The following IGFL4 variants were observed in gnomAD, a reference collection of about 807,000 sequenced individuals.
The protein encoded by IGFL4 is IGF like family member 4, also known as insulin growth factor-like family member 4.
In IGFL4, 12 loss-of-function variants were observed where a neutral mutation model predicts 15.4. The observed-to-expected ratio is 0.78, with a 90% confidence interval of 0.50 to 1.26. The LOEUF (loss-of-function observed/expected upper bound fraction) is 1.26. IGFL4 is among the 50% of genes most tolerant of loss of function. The pLI is 0.00. For synonymous variants in IGFL4, 54 were observed against 55.9 expected (o/e 0.97, Z 0.16); for missense variants, 126 against 147.8 (o/e 0.85, Z 0.76).
intron 1 of IGFL4, among the ~76,000 whole-genome samples, chr19:46,068,748 G>T (rs1196909301): frequency 6.6e-6 from 1 of 152,222 alleles, no homozygotes; most frequent in Non-Finnish European, 1.5e-5. Context: ...TGCATTGGGA[G>T]CTCAGTCTGA....
At chr19:46,062,895 T>C (rs1969457831) in intron 1 of IGFL4, 3 of 152,302 alleles carry the variant, frequency 2.0e-5, no homozygotes, top group Non-Finnish European at 4.4e-5. Context: ...CATGATCCTG[T>C]ACATGCCTAA....
chr19:46,054,754 T>TGAG (rs1969377979), intron 2 of IGFL4, among the ~76,000 whole-genome samples: 1 of 152,130 alleles, frequency 6.6e-6, no homozygotes, highest in African/African-American at 2.4e-5. Context: ...AGTAAGAACC[T>TGAG]GAGGGTTCCA....
At chr19:46,056,851 G>A (rs895863786) in intron 2 of IGFL4, among the ~76,000 whole-genome samples, 3 of 152,190 alleles carry the variant, frequency 2.0e-5, no homozygotes, top group Non-Finnish European at 4.4e-5. Flanking sequence ...AAGACTCCCT[G>A]TAGGATCTCA....
intron 2 of IGFL4, chr19:46,058,431 G>C (rs1969413672): frequency 6.6e-6 from 1 of 152,380 alleles, no homozygotes; most frequent in African/African-American, 2.4e-5. Flanking sequence ...GGTGTTGAGT[G>C]TCTATGGCTC....
At chr19:46,049,033 C>A (rs1373898917) in intron 2 of IGFL4, among the ~76,000 whole-genome samples, 1 of 152,216 alleles carries the variant, frequency 6.6e-6, no homozygotes, top group Non-Finnish European at 1.5e-5. Context: ...TACAAGGCTA[C>A]AGTAACCAAA....
At chr19:46,076,527 T>C (rs569924398) in intron 1 of IGFL4, among the ~76,000 whole-genome samples, 4 of 152,238 alleles carry the variant, frequency 2.6e-5, no homozygotes, top group African/African-American at 9.6e-5. Flanking sequence ...CCAAGGACTG[T>C]GCAGTCCTTT....
chr19:46,044,729 T>C (rs1969281572), upstream of IGFL4, among the ~76,000 whole-genome samples: 1 of 152,160 alleles, frequency 6.6e-6, no homozygotes, highest in Admixed American at 6.5e-5. Context: ...AGCCACCTCC[T>C]ACAGGGACGT....
intron 1 of IGFL4, among the ~76,000 whole-genome samples, chr19:46,074,724 C>G (rs1327439984): frequency 6.6e-6 from 1 of 152,128 alleles, no homozygotes; most frequent in Non-Finnish European, 1.5e-5. Context: ...TGGTGCCCAC[C>G]CAGATTAACA....
intron 2 of IGFL4, among the ~76,000 whole-genome samples, chr19:46,053,246 A>ACTGTGTCAC (rs1969364210): frequency 1.3e-5 from 2 of 152,160 alleles, no homozygotes; most frequent in African/African-American, 4.8e-5. Context: ...ACGTTGTCTC[A>ACTGTGTCAC]CTGTGTCACC....
chr19:46,066,724 C>A (rs1012523564), intron 1 of IGFL4, among the ~76,000 whole-genome samples: 3 of 152,132 alleles, frequency 2.0e-5, no homozygotes, highest in African/African-American at 7.2e-5. Context: ...CCAGATCTTG[C>A]AAGAACCCAC....
chr19:46,074,153 A>G (rs1042007874), intron 1 of IGFL4, among the ~76,000 whole-genome samples: 1 of 151,922 alleles, frequency 6.6e-6, no homozygotes, highest in Non-Finnish European at 1.5e-5. Context: ...AGCTCAGTTC[A>G]GGGAATTGGC....
upstream of IGFL4, among the ~76,000 whole-genome samples, chr19:46,043,139 G>A (rs10408583): frequency 0.083 from 12,617 of 152,114 alleles, 1,462 homozygotes; most frequent in African/African-American, 0.26. Context: ...TGTATTTCTC[G>A]CTCCTGGAAT....
At chr19:46,060,566 T>C (rs1159776660) in intron 1 of IGFL4, among the ~76,000 whole-genome samples, 1 of 152,166 alleles carries the variant, frequency 6.6e-6, no homozygotes, top group African/African-American at 2.4e-5. Flanking sequence ...AAGAAAGCAA[T>C]GATCTGTGGA....
At chr19:46,063,361 A>G (rs1332011132) in intron 1 of IGFL4, among the ~76,000 whole-genome samples, 2 of 151,892 alleles carry the variant, frequency 1.3e-5, no homozygotes, top group East Asian at 3.9e-4. Context: ...ACACACACAC[A>G]CACACATACA....
intron 2 of IGFL4, among the ~76,000 whole-genome samples, chr19:46,048,867 C>T (rs1366773230): frequency 6.6e-6 from 1 of 152,154 alleles, no homozygotes; most frequent in Non-Finnish European, 1.5e-5. Flanking sequence ...AGATTCAATG[C>T]TATTCCCATT....
chr19:46,044,691 T>A (rs1252393444), upstream of IGFL4, among the ~76,000 whole-genome samples: 1 of 152,210 alleles, frequency 6.6e-6, no homozygotes, highest in Non-Finnish European at 1.5e-5. Flanking sequence ...TCCTCCTGAC[T>A]GGGTGAGACC....
At chr19:46,043,018 C>A (rs144612100), upstream of IGFL4, among the ~76,000 whole-genome samples, 2 of 152,140 alleles carry the variant, frequency 1.3e-5, no homozygotes, top group Non-Finnish European at 2.9e-5. Flanking sequence ...TGTTTGAGGT[C>A]GCCGGGGCAG....
intron 1 of IGFL4, among the ~76,000 whole-genome samples, chr19:46,073,435 A>G (rs1969565063): frequency 6.6e-6 from 1 of 152,128 alleles, no homozygotes; most frequent in African/African-American, 2.4e-5. Context: ...TGACTCATAC[A>G]CATGTAGTTT....
At chr19:46,063,937 T>A (rs1004082415) in intron 1 of IGFL4, among the ~76,000 whole-genome samples, 11 of 152,130 alleles carry the variant, frequency 7.2e-5, no homozygotes, top group African/African-American at 2.4e-4. Flanking sequence ...GCAGGCATAG[T>A]GGCACGTGCC....
Sources: allele counts gnomAD v4.1 joint callset (sites outside exome capture counted in the v4.1 genomes callset), GRCh38; gene constraint gnomAD v4.1.1; transcripts MANE v1.5; gene names NCBI Gene and HGNC (gene_info 2026-07-23, HGNC 2026-07-21).